The following PARD3B variants were observed in gnomAD, a reference collection of about 807,000 sequenced individuals.
The protein encoded by PARD3B is par-3 family cell polarity regulator beta.
Under a neutral mutation model 130.2 loss-of-function variants are expected in PARD3B, and 103 were observed. That is an observed-to-expected ratio of 0.79 (90% confidence interval 0.67 to 0.93). The LOEUF is 0.93. Among genes scored for constraint, PARD3B ranks in the 40% least tolerant of loss-of-function variants. The pLI is 0.00. For synonymous variants in PARD3B, 583 were observed against 553.2 expected, an observed-to-expected ratio of 1.05 and a Z score of -0.76; for missense variants, 1,609 against 1,499.2, an observed-to-expected ratio of 1.07 and a Z score of -1.21.
chr2:205,147,448 A>C (rs2033444655), intron 10 of PARD3B, among the ~76,000 whole-genome samples: 1 of 152,222 alleles, frequency 6.6e-6, no homozygotes, highest in Admixed American at 6.5e-5. Context: ...ACTAAATATT[A>C]CATTGAACAG....
rs2105789201 is a variant in PARD3B at position 205,268,323 on chromosome 2, A to C, written c.2185+22501A>C. Among the ~76,000 whole-genome samples, 1 of 152,372 alleles carries C rather than the reference A, an allele frequency of 6.6e-6. No individual in the cohort carries two copies. Among genetic ancestry groups the C allele is most frequent in the East Asian group, 1.9e-4 (1 of 5,192 alleles). On this transcript the variant is annotated intron_variant, in intron 16 of 22. Coordinates refer to ENST00000406610, the MANE Select transcript of PARD3B (RefSeq NM_001302769.2). The surrounding 1 kb of genome is among the most constrained non-coding windows in gnomAD (Gnocchi z 4.1). ...TCACTCATATAATTGGTTTTTGAGA[A>C]CGGTTCCAATATATTGGGAGAAAAA...
intron 3 of PARD3B, among the ~76,000 whole-genome samples, chr2:205,005,976 C>T (rs1342223585): frequency 6.6e-6 from 1 of 152,142 alleles, no homozygotes; most frequent in Non-Finnish European, 1.5e-5. Context: ...AACTTCCCCG[C>T]ACTGAGTCCC....
chr2:204,864,148 A>G (rs1049268136), intron 2 of PARD3B, among the ~76,000 whole-genome samples: 1 of 151,936 alleles, frequency 6.6e-6, no homozygotes, highest in African/African-American at 2.4e-5. Flanking sequence ...CACCATCGTC[A>G]TTTGCCTGGA....
chr2:205,079,067 C>G (rs62172476), intron 4 of PARD3B, among the ~76,000 whole-genome samples: 551 of 152,314 alleles, frequency 3.6e-3, no homozygotes, highest in Non-Finnish European at 5.9e-3. Flanking sequence ...CCCACAAACT[C>G]TATGAGATGT....
chr2:205,223,186 TTGAAGA>T (rs1202498520), intron 15 of PARD3B, among the ~76,000 whole-genome samples: 2 of 152,116 alleles, frequency 1.3e-5, no homozygotes, highest in Non-Finnish European at 2.9e-5. Flanking sequence ...TCTATGTGAC[TTGAAGA>T]TGAATAGAGG....
chr2:205,041,272 C>T (rs1698382013), intron 3 of PARD3B, among the ~76,000 whole-genome samples: 2 of 152,232 alleles, frequency 1.3e-5, no homozygotes, highest in African/African-American at 2.4e-5. Flanking sequence ...TCACGCATAT[C>T]AAGACATTTT....
intron 18 of PARD3B, among the ~76,000 whole-genome samples, chr2:205,359,765 G>A (rs551512701): frequency 3.3e-5 from 5 of 151,978 alleles, no homozygotes; most frequent in African/African-American, 1.2e-4. Context: ...TATATAGTAT[G>A]TATATGGACA....
intron 2 of PARD3B, among the ~76,000 whole-genome samples, chr2:204,800,427 T>TAG (rs532907201): frequency 0.023 from 3,450 of 150,928 alleles, 79 homozygotes; most frequent in African/African-American, 0.046. Context: ...AAAAAGTCAG[T>TAG]AGAGAGAGAG....
intron 21 of PARD3B, among the ~76,000 whole-genome samples, chr2:205,507,018 G>A (rs1462016575): frequency 6.6e-6 from 1 of 151,994 alleles, no homozygotes; most frequent in Non-Finnish European, 1.5e-5. Flanking sequence ...GCTACCTGAG[G>A]TAGAAAGACA....
At chr2:205,052,965 G>T (rs541842818) in intron 4 of PARD3B, among the ~76,000 whole-genome samples, 1 of 152,252 alleles carries the variant, frequency 6.6e-6, no homozygotes, top group Admixed American at 6.5e-5. Context: ...CAGTTGTCCT[G>T]TGTGTTCTAC....
chr2:205,002,113 A>G (rs924462644), intron 3 of PARD3B, among the ~76,000 whole-genome samples: 4 of 152,208 alleles, frequency 2.6e-5, no homozygotes, highest in Middle Eastern at 3.2e-3. Context: ...CTGCCTGTCA[A>G]TTCCCTTAAA....
intron 1 of PARD3B, among the ~76,000 whole-genome samples, chr2:204,549,853 C>A (rs911084940): frequency 6.6e-6 from 1 of 152,042 alleles, no homozygotes; most frequent in Non-Finnish European, 1.5e-5. Context: ...GTGTCTTTCA[C>A]TGATTTACAG....
rs145636956 is a variant in PARD3B at position 205,283,312 on chromosome 2, C to T, written c.2186-17218C>T. 1.5e-3 allele frequency among the ~76,000 whole-genome samples: 221 copies of T among 152,304 alleles called. 1 individual carries two copies. Among genetic ancestry groups the T allele is most frequent in the African/African-American group, 5.1e-3 (210 of 41,574 alleles). ...TTTGTTTGTTTGTTTTTGAGACAGTCTCACTGTGTCTCCCAGGCTGGAGTG... is the reference window on the plus strand; with the variant it reads ...TTTGTTTGTTTGTTTTTGAGACAGTTTCACTGTGTCTCCCAGGCTGGAGTG... On this transcript the variant is annotated intron_variant, in intron 16 of 22. Coordinates refer to ENST00000406610, the MANE Select transcript of PARD3B (RefSeq NM_001302769.2).
intron 15 of PARD3B, among the ~76,000 whole-genome samples, chr2:205,220,792 T>C (rs1037307014): frequency 6.6e-6 from 1 of 152,182 alleles, no homozygotes; most frequent in African/African-American, 2.4e-5. Flanking sequence ...ACTTTGTGGC[T>C]ATCTGTGAGA....
chr2:205,608,822 C>T (rs930444615), intron 22 of PARD3B, among the ~76,000 whole-genome samples: 1 of 152,172 alleles, frequency 6.6e-6, no homozygotes, highest in East Asian at 1.9e-4. Flanking sequence ...TAAATATGAG[C>T]AACCAAAATT....
intron 18 of PARD3B, among the ~76,000 whole-genome samples, chr2:205,353,926 T>C (rs1332237718): frequency 6.6e-6 from 1 of 152,140 alleles, no homozygotes; most frequent in Non-Finnish European, 1.5e-5. Context: ...GGGGAGATAG[T>C]ATTCCTCTTT....
intron 15 of PARD3B, among the ~76,000 whole-genome samples, chr2:205,195,963 G>A (rs1271045909): frequency 6.6e-6 from 1 of 152,064 alleles, no homozygotes; most frequent in Non-Finnish European, 1.5e-5. Context: ...TTGCTACTAA[G>A]ACCAAACTAG....
At chr2:204,727,676 T>C (rs1195364615) in intron 2 of PARD3B, among the ~76,000 whole-genome samples, 1 of 152,144 alleles carries the variant, frequency 6.6e-6, no homozygotes, top group South Asian at 2.1e-4. Flanking sequence ...GCAGGGTGGC[T>C]GAATACACGT....
intron 15 of PARD3B, among the ~76,000 whole-genome samples, chr2:205,218,636 A>C (rs201103004): frequency 6.6e-6 from 1 of 152,150 alleles, no homozygotes; most frequent in East Asian, 1.9e-4. Flanking sequence ...AATTTTATTT[A>C]ATGTAGGAGG....
Sources: gnomAD v4.1 joint callset for allele counts (sites outside exome capture counted in the v4.1 genomes callset) on GRCh38, gnomAD v4.1.1 for gene constraint, Gnocchi (gnomAD v3.1) non-coding constraint, MANE v1.5 for transcripts, NCBI Gene and HGNC (gene_info 2026-07-23, HGNC 2026-07-21) for gene names.